The following GMPR variants were observed in gnomAD, a reference collection of about 807,000 sequenced individuals.
GMPR encodes GMP reductase 1.
A neutral mutation model predicts 38.4 loss-of-function variants in GMPR; 31 were observed. The observed-to-expected ratio is 0.81, with a 90% CI of 0.61 to 1.09. The LOEUF (loss-of-function observed/expected upper bound fraction) is 1.09. Ranked by LOEUF, GMPR falls within the 50% of genes least tolerant of loss-of-function variation. The probability of loss-of-function intolerance (pLI) is 0.00; values close to 1 mark genes in which losing one functional copy is unlikely to be tolerated. For missense variants in GMPR, 468 were observed against 453.7 expected (o/e 1.03, Z -0.29); for synonymous variants, 162 against 173.3 (o/e 0.93, Z 0.51).
chr6:16,271,479 C>T (rs1289924478), intron 4 of GMPR, among the ~76,000 whole-genome samples: 5 of 152,036 alleles, frequency 3.3e-5, no homozygotes, highest in Non-Finnish European at 7.4e-5. Context: ...AGAGTGAGAC[C>T]CTGTCTCAAA....
intron 7 of GMPR, 78 bp downstream of exon 7, chr6:16,285,913 A>C: frequency 8.3e-7 from 1 of 1,203,470 alleles, no homozygotes; most frequent in Non-Finnish European, 1.2e-6. Context: ...TGGCAACCTG[A>C]ATGAGGAGGG....
chr6:16,253,797 T>C (rs1581649356), intron 3 of GMPR, among the ~76,000 whole-genome samples: 2 of 152,226 alleles, frequency 1.3e-5, no homozygotes, highest in African/African-American at 2.4e-5. Context: ...AGGCCACAGC[T>C]TTCATGTGGG....
intron 3 of GMPR, among the ~76,000 whole-genome samples, chr6:16,252,069 G>A (rs1758885905): frequency 6.6e-6 from 1 of 152,158 alleles, no homozygotes; most frequent in African/African-American, 2.4e-5. Context: ...CTTTAATTAT[G>A]TGTGGATTTT....
Position 16,238,784 on chromosome 6 carries a change from G to T in GMPR, c.87+4G>T. On this transcript the variant is annotated splice_donor_region_variant and intron_variant, in intron 1 of 8. Transcript: ENST00000259727. Reference sequence around the variant, plus strand: ...CAGCCTCAAGAGCCGAGCCGAGGTGGGGGACGTTCGGAAGTCGCAGTGGGG... The same window carrying T: ...CAGCCTCAAGAGCCGAGCCGAGGTGTGGGACGTTCGGAAGTCGCAGTGGGG... 1 of 1,443,008 alleles carries T rather than the reference G, an allele frequency of 6.9e-7. No individual in the cohort carries two copies. Among genetic ancestry groups the T allele is most frequent in the Non-Finnish European group, 9.3e-7 (1 of 1,077,832 alleles). 89.4% of individuals were successfully genotyped at this position (1,443,008 alleles called of 1,614,324 possible). A position where few individuals can be genotyped will look rare whatever the true frequency, so the allele number is the denominator to read the frequency against.
chr6:16,294,951 G>C, intron 8 of GMPR, 55 bp from the exon 9 acceptor site: 14 of 1,394,486 alleles, frequency 1.0e-5, no homozygotes, highest in South Asian at 2.4e-5. Context: ...TTCTAATTGG[G>C]CTCTTAAGGT....
chr6:16,274,093 C>T (rs898689849), intron 4 of GMPR, among the ~76,000 whole-genome samples: 2 of 152,108 alleles, frequency 1.3e-5, no homozygotes, highest in African/African-American at 2.4e-5. Context: ...AGATTACAGG[C>T]GTGAGCCACC....
intron 4 of GMPR, among the ~76,000 whole-genome samples, chr6:16,269,398 G>A (rs1229008818): frequency 6.6e-6 from 1 of 152,088 alleles, no homozygotes; most frequent in Non-Finnish European, 1.5e-5. Flanking sequence ...GAAAAATTGG[G>A]GCAAAGCAGT....
At chr6:16,267,974 CAG>C (rs1255030653) in intron 4 of GMPR, among the ~76,000 whole-genome samples, 4 of 152,294 alleles carry the variant, frequency 2.6e-5, no homozygotes, top group South Asian at 2.1e-4. Flanking sequence ...CTGAGCCACA[CAG>C]ATGTTTCCGC....
At chr6:16,268,902 T>C (rs1759324860) in intron 4 of GMPR, among the ~76,000 whole-genome samples, 1 of 151,028 alleles carries the variant, frequency 6.6e-6, no homozygotes, top group Non-Finnish European at 1.5e-5. Flanking sequence ...AAATATGAAT[T>C]ATTTTAAATT....
intron 2 of GMPR, among the ~76,000 whole-genome samples, chr6:16,249,148 C>G (rs1222038578): frequency 6.6e-6 from 1 of 150,522 alleles, no homozygotes; most frequent in Non-Finnish European, 1.5e-5. Context: ...CCCCGCCATG[C>G]AGTTGTTACA....
At chr6:16,292,392 T>C (rs1309100022) in intron 8 of GMPR, among the ~76,000 whole-genome samples, 1 of 152,026 alleles carries the variant, frequency 6.6e-6, no homozygotes, top group Admixed American at 6.6e-5. Context: ...TCAAGTCTCT[T>C]TCTCTTGGTG....
chr6:16,240,140 T>C (rs1309290915), intron 1 of GMPR, among the ~76,000 whole-genome samples: 1 of 152,212 alleles, frequency 6.6e-6, no homozygotes, highest in Non-Finnish European at 1.5e-5. Context: ...AAAATGTATT[T>C]AGAAGAGAGA....
intron 7 of GMPR, 143 bp from the exon 8 acceptor site, chr6:16,290,319 A>T (rs895507754): frequency 1.4e-6 from 1 of 723,716 alleles, no homozygotes; most frequent in African/African-American, 1.8e-5. Flanking sequence ...AGGAGGAGAC[A>T]GGCGAGAGAG....
chr6:16,255,257 C>T (rs1270824019), intron 4 of GMPR, among the ~76,000 whole-genome samples: 1 of 152,180 alleles, frequency 6.6e-6, no homozygotes, highest in Non-Finnish European at 1.5e-5. Flanking sequence ...AGGTGATCCA[C>T]CCACCTTGAT....
At chr6:16,251,188 C>A (rs1758867864) in intron 3 of GMPR, among the ~76,000 whole-genome samples, 1 of 152,186 alleles carries the variant, frequency 6.6e-6, no homozygotes, top group South Asian at 2.1e-4. Flanking sequence ...TATATCCATA[C>A]AGTGGAATAT....
intron 3 of GMPR, 68 bp from the exon 4 acceptor site, chr6:16,254,494 A>T (rs1462250414): frequency 2.5e-5 from 34 of 1,371,808 alleles, no homozygotes; most frequent in Non-Finnish European, 3.5e-5. Context: ...TAGGTGCATA[A>T]ATGGGGGCAG....
chr6:16,294,735 C>T (rs1759904491), intron 8 of GMPR, among the ~76,000 whole-genome samples: 1 of 152,210 alleles, frequency 6.6e-6, no homozygotes, highest in African/African-American at 2.4e-5. Context: ...CTGACTCCTT[C>T]AAGCGCTGCT....
intron 4 of GMPR, among the ~76,000 whole-genome samples, chr6:16,267,890 C>G (rs1012225565): frequency 6.6e-6 from 1 of 152,240 alleles, no homozygotes; most frequent in African/African-American, 2.4e-5. Context: ...TGGGCTGGAT[C>G]TCCAGGGCGG....
At chr6:16,281,020 G>C (rs1269415382) in intron 6 of GMPR, among the ~76,000 whole-genome samples, 1 of 152,160 alleles carries the variant, frequency 6.6e-6, no homozygotes, top group Non-Finnish European at 1.5e-5. Context: ...TGGAGGCTCT[G>C]TGTGCCCCAG....
Sources: gnomAD v4.1 joint callset for allele counts (sites outside exome capture counted in the v4.1 genomes callset) on GRCh38, gnomAD v4.1.1 for gene constraint, MANE v1.5 for transcripts, NCBI Gene and HGNC (gene_info 2026-07-23, HGNC 2026-07-21) for gene names.